STXBP5L: variants seen among roughly 807,000 people sequenced by gnomAD.
STXBP5L encodes syntaxin-binding protein 5-like.
STXBP5L carries 65 observed loss-of-function variants against 144.5 expected under a neutral mutation model. That is an observed-to-expected ratio of 0.45 (90% CI 0.37 to 0.55). The LOEUF is 0.55. Ranked by LOEUF, STXBP5L falls within the 20% of genes least tolerant of loss-of-function variation. The pLI, the probability that STXBP5L is intolerant of heterozygous loss-of-function variation, is 0.00. For synonymous variants in STXBP5L, 505 were observed against 469.6 expected, an observed-to-expected ratio of 1.08 and a Z score of -0.97; for missense variants, 1,298 against 1,405.5, an observed-to-expected ratio of 0.92 and a Z score of 1.22.
chr3:121,245,943 A>G (rs1301239452), intron 14 of STXBP5L, among the ~76,000 whole-genome samples: 1 of 152,212 alleles, frequency 6.6e-6, no homozygotes, highest in Non-Finnish European at 1.5e-5. Flanking sequence ...ATTGGGCCTA[A>G]CAGACATACA....
At chr3:120,970,212 T>C (rs1274446693) in intron 3 of STXBP5L, among the ~76,000 whole-genome samples, 1 of 152,146 alleles carries the variant, frequency 6.6e-6, no homozygotes, top group Admixed American at 6.6e-5. Flanking sequence ...ACTCAAGATG[T>C]AAATGGCTTA....
At chr3:121,304,513 A>T (rs2043268804) in intron 19 of STXBP5L, among the ~76,000 whole-genome samples, 1 of 152,192 alleles carries the variant, frequency 6.6e-6, no homozygotes, top group Non-Finnish European at 1.5e-5. Context: ...AATTAAATAG[A>T]ATGTGTTCTC....
intron 22 of STXBP5L, among the ~76,000 whole-genome samples, chr3:121,383,839 C>T (rs1019329449): frequency 6.6e-6 from 1 of 152,088 alleles, no homozygotes; most frequent in African/African-American, 2.4e-5. Context: ...TCTGCCCAAG[C>T]TTATGGGAAC....
intron 3 of STXBP5L, among the ~76,000 whole-genome samples, chr3:120,975,035 T>A (rs1209266691): frequency 1.3e-5 from 2 of 152,236 alleles, no homozygotes; most frequent in Non-Finnish European, 2.9e-5. Flanking sequence ...GGCTCTTTTT[T>A]GGTTCCGTAT....
rs377416366 is a variant in STXBP5L, at chr3:121,197,326, T to C, written c.878-8597T>C. On this transcript the variant is annotated intron_variant, in intron 9 of 26. Coordinates refer to ENST00000471454, the MANE Select transcript of STXBP5L (RefSeq NM_001308330.2). The stretch of plus-strand genomic sequence containing the variant: ...AGTCATACTATATCTTCCTTTTGAT[T>C]GGAATGTTTAATCAATTCACATTTA... Among the ~76,000 whole-genome samples, 7 of 152,298 alleles carry C rather than the reference T, an allele frequency of 4.6e-5. No individual in the cohort carries two copies. In the East Asian group the frequency reaches 9.7e-4, roughly 21 times the overall value.
intron 5 of STXBP5L, among the ~76,000 whole-genome samples, chr3:121,045,812 T>G (rs1947481546): frequency 6.6e-6 from 1 of 152,072 alleles, no homozygotes; most frequent in Admixed American, 6.6e-5. Context: ...CAAAGAGAGA[T>G]AATTTGACTT....
intron 9 of STXBP5L, among the ~76,000 whole-genome samples, chr3:121,172,287 C>T (rs545474073): frequency 6.9e-4 from 105 of 152,114 alleles, no homozygotes; most frequent in Middle Eastern, 3.4e-3. Context: ...CAAAACTTCA[C>T]GACTAAGACA....
intron 2 of STXBP5L, among the ~76,000 whole-genome samples, chr3:120,934,213 A>T (rs148519742): frequency 5.3e-5 from 8 of 151,408 alleles, no homozygotes; most frequent in Admixed American, 1.3e-4. Context: ...GCATGTTAAG[A>T]TTTCAGTATA....
chr3:121,001,470 G>A (rs1164563756), intron 3 of STXBP5L, among the ~76,000 whole-genome samples: 2 of 152,214 alleles, frequency 1.3e-5, no homozygotes, highest in East Asian at 1.9e-4. Context: ...AGTGTGGTGA[G>A]CCTTGGAGGA....
chr3:121,098,442 C>T (rs1340182507), intron 5 of STXBP5L, among the ~76,000 whole-genome samples: 1 of 152,168 alleles, frequency 6.6e-6, no homozygotes, highest in African/African-American at 2.4e-5. Context: ...ATCGTGAAGA[C>T]AGTACCATGC....
intron 22 of STXBP5L, among the ~76,000 whole-genome samples, chr3:121,394,633 C>T (rs1242507444): frequency 3.6e-5 from 4 of 110,160 alleles, no homozygotes; most frequent in Admixed American, 1.3e-4. Flanking sequence ...GAGACAGTGT[C>T]TCACTCTGTC....
At chr3:121,194,743 A>T (rs1456596209) in intron 9 of STXBP5L, among the ~76,000 whole-genome samples, 1 of 151,920 alleles carries the variant, frequency 6.6e-6, no homozygotes, top group Non-Finnish European at 1.5e-5. Context: ...AATTCATTTC[A>T]TTACTTGTTT....
intron 5 of STXBP5L, among the ~76,000 whole-genome samples, chr3:121,114,060 G>A (rs939020384): frequency 6.6e-6 from 1 of 152,126 alleles, no homozygotes; most frequent in South Asian, 2.1e-4. Flanking sequence ...TGGTCTGTCT[G>A]ACAAGAGATA....
chr3:121,204,243 A>G (rs2048249014), intron 9 of STXBP5L, among the ~76,000 whole-genome samples: 1 of 152,158 alleles, frequency 6.6e-6, no homozygotes, highest in Non-Finnish European at 1.5e-5. Context: ...TGTCTCAAAA[A>G]AAAAGACTAT....
chr3:121,107,026 C>T (rs757576491), intron 5 of STXBP5L, among the ~76,000 whole-genome samples: 5 of 151,084 alleles, frequency 3.3e-5, no homozygotes, highest in East Asian at 3.9e-4. Flanking sequence ...GTTTTTTGGA[C>T]GCATGGATGT....
At chr3:121,233,408 T>A (rs544380505) in intron 11 of STXBP5L, among the ~76,000 whole-genome samples, 3 of 152,308 alleles carry the variant, frequency 2.0e-5, no homozygotes, top group African/African-American at 7.2e-5. Flanking sequence ...ACTTTTAATT[T>A]TTTTCTTGTT....
intron 20 of STXBP5L, among the ~76,000 whole-genome samples, chr3:121,365,437 T>C (rs1473804357): frequency 2.0e-5 from 3 of 151,522 alleles, no homozygotes; most frequent in Non-Finnish European, 4.4e-5. Context: ...TTTTTGTTAC[T>C]GATTAAATCT....
intron 5 of STXBP5L, among the ~76,000 whole-genome samples, chr3:121,102,348 A>G (rs1042570145): frequency 6.6e-6 from 1 of 152,134 alleles, no homozygotes; most frequent in Non-Finnish European, 1.5e-5. Flanking sequence ...AGAGCATCAT[A>G]CAGGTATACA....
At chr3:121,098,237 C>T (rs1197976847) in intron 5 of STXBP5L, among the ~76,000 whole-genome samples, 2 of 152,122 alleles carry the variant, frequency 1.3e-5, no homozygotes, top group African/African-American at 2.4e-5. Context: ...CACAGTACTG[C>T]AGGCTGTACA....
Sources: gnomAD v4.1 joint callset for allele counts (sites outside exome capture counted in the v4.1 genomes callset) on GRCh38, gnomAD v4.1.1 for gene constraint, MANE v1.5 for transcripts, NCBI Gene and HGNC (gene_info 2026-07-23, HGNC 2026-07-21) for gene names.